Variants in COPS3 observed in about 807,000 individuals in gnomAD.
COPS3 encodes the protein COP9 signalosome complex subunit 3.
In COPS3, 10 loss-of-function variants were observed where a neutral mutation model predicts 58.2. The observed-to-expected ratio is 0.17, with a 90% CI of 0.11 to 0.29. The LOEUF (loss-of-function observed/expected upper bound fraction) is 0.29. COPS3 is among the 10% of genes least tolerant of loss of function. The pLI, the probability that COPS3 is intolerant of heterozygous loss-of-function variation, is 1.00. For missense variants in COPS3, 333 were observed against 510.1 expected (o/e 0.65, Z 3.34); for synonymous variants, 187 against 181.7 (o/e 1.03, Z -0.24).
At chr17:17,264,402 G>C (rs533427254) in intron 6 of COPS3, among the ~76,000 whole-genome samples, 1 of 152,188 alleles carries the variant, frequency 6.6e-6, no homozygotes, top group African/African-American at 2.4e-5. Context: ...TTTAAATTTT[G>C]AATCAAGAGA....
chr17:17,254,976 T>C (rs1274829942), intron 8 of COPS3, 31 bp from the exon 9 acceptor site: 1 of 1,475,978 alleles, frequency 6.8e-7, no homozygotes, highest in Admixed American at 1.7e-5. Flanking sequence ...TAGTCACAGG[T>C]AGGAACAACG....
chr17:17,270,374 G>C (rs1291207572), intron 4 of COPS3, among the ~76,000 whole-genome samples: 1 of 151,710 alleles, frequency 6.6e-6, no homozygotes, highest in Non-Finnish European at 1.5e-5. Flanking sequence ...GGAAAATCTA[G>C]GTAAAATGTA....
At chr17:17,265,834 G>A (rs1002548127) in intron 5 of COPS3, among the ~76,000 whole-genome samples, 2 of 152,220 alleles carry the variant, frequency 1.3e-5, no homozygotes, top group African/African-American at 4.8e-5. Context: ...GAAAAAGAGT[G>A]TGTCCTCTTT....
rs58123615 is a variant in COPS3, at chr17:17,273,629, T to C, written c.185+2406A>G. On this transcript the variant is annotated intron_variant, in intron 2 of 11. Coordinates refer to ENST00000268717, the MANE Select transcript of COPS3 (RefSeq NM_003653.4). Reference sequence around the variant, plus strand: ...ACTTTGGGAGGCTGAGATGGGCAGATTGCTTGAGCTCAGGAGTTCAAGACC... The same window carrying C: ...ACTTTGGGAGGCTGAGATGGGCAGACTGCTTGAGCTCAGGAGTTCAAGACC... Among the ~76,000 whole-genome samples the C allele has an allele frequency of 6.5e-3, 996 of 152,064 alleles. 9 individuals carry two copies. Among genetic ancestry groups the C allele is most frequent in the African/African-American group, 0.023 (960 of 41,478 alleles).
intron 8 of COPS3, among the ~76,000 whole-genome samples, chr17:17,259,807 T>G (rs897489790): frequency 6.6e-6 from 1 of 151,722 alleles, no homozygotes; most frequent in East Asian, 1.9e-4. Flanking sequence ...GGTGGGCAGA[T>G]CACTTGAGCT....
At chr17:17,249,516 G>T (rs546404578) in intron 9 of COPS3, among the ~76,000 whole-genome samples, 2 of 151,362 alleles carry the variant, frequency 1.3e-5, no homozygotes, top group South Asian at 4.2e-4. Context: ...TTTTGAGATG[G>T]CGTTTCGCTC....
intron 5 of COPS3, among the ~76,000 whole-genome samples, chr17:17,267,656 T>C (rs911120554): frequency 3.5e-5 from 5 of 142,392 alleles, no homozygotes; most frequent in African/African-American, 1.3e-4. Flanking sequence ...AAAAAAAAAG[T>C]TACAACTATT....
intron 1 of COPS3, among the ~76,000 whole-genome samples, chr17:17,277,513 G>C (rs1244073288): frequency 6.6e-6 from 1 of 152,166 alleles, no homozygotes; most frequent in Non-Finnish European, 1.5e-5. Context: ...CATCTCCTGG[G>C]CTCAAGCAAT....
At chr17:17,260,522 G>A (rs1277535508) in intron 7 of COPS3, 48 bp from the exon 8 acceptor site, 4 of 1,588,244 alleles carry the variant, frequency 2.5e-6, no homozygotes, top group Non-Finnish European at 3.5e-6. Flanking sequence ...CTTCAGAAGA[G>A]GCCAGGTGTG....
chr17:17,255,244 G>T (rs1008046682), intron 8 of COPS3, among the ~76,000 whole-genome samples: 1 of 152,006 alleles, frequency 6.6e-6, no homozygotes, highest in South Asian at 2.1e-4. Flanking sequence ...AGGTTGCAGT[G>T]AGTGGAGACT....
At chr17:17,256,495 T>C (rs547176753) in intron 8 of COPS3, among the ~76,000 whole-genome samples, 55 of 152,298 alleles carry the variant, frequency 3.6e-4, no homozygotes, top group African/African-American at 1.0e-3. Flanking sequence ...CTGATGAAAA[T>C]GACCCCTTTC....
In COPS3 at chr17:17,252,621, T is replaced by C. The variant is rs191425786; in HGVS notation, c.1023+2238A>G. ...AGAGGAGAACCACTGCTCCAGAGCCTGTCAGGGTGTCTGGGCTGGTTAAGC... is the reference window on the plus strand; with the variant it reads ...AGAGGAGAACCACTGCTCCAGAGCCCGTCAGGGTGTCTGGGCTGGTTAAGC... On this transcript the variant is annotated intron_variant, in intron 9 of 11. Coordinates refer to ENST00000268717, the MANE Select transcript of COPS3 (RefSeq NM_003653.4). 4.6e-5 allele frequency among the ~76,000 whole-genome samples: 7 copies of C among 152,360 alleles called. No individual in the cohort carries two copies. In the East Asian group the frequency reaches 1.3e-3, roughly 29 times the overall value.
At chr17:17,280,617 A>C (rs1256396318) in intron 1 of COPS3, 1 of 1,302,786 alleles carries the variant, frequency 7.7e-7, no homozygotes, top group Non-Finnish European at 1.0e-6. Flanking sequence ...AAATAGGCGC[A>C]CAGGTTCCCG....
chr17:17,263,440 T>C (rs993247307), intron 6 of COPS3, among the ~76,000 whole-genome samples: 15 of 151,628 alleles, frequency 9.9e-5, no homozygotes, highest in Non-Finnish European at 2.1e-4. Flanking sequence ...CTCAGGCGAT[T>C]TGCCTGCCTC....
chr17:17,250,415 C>T (rs192639138), intron 9 of COPS3, among the ~76,000 whole-genome samples: 7 of 152,104 alleles, frequency 4.6e-5, no homozygotes, highest in Non-Finnish European at 8.8e-5. Context: ...CCACGATGCC[C>T]AGCTAATTTT....
intron 8 of COPS3, 83 bp from the exon 9 acceptor site, chr17:17,255,028 G>C: frequency 3.2e-6 from 3 of 931,982 alleles, no homozygotes; most frequent in East Asian, 2.6e-5. Context: ...GCGGCCAGGC[G>C]TGGTGGCTCA....
At chr17:17,278,404 T>C (rs1331013911) in intron 1 of COPS3, among the ~76,000 whole-genome samples, 2 of 152,234 alleles carry the variant, frequency 1.3e-5, no homozygotes, top group African/African-American at 4.8e-5. Flanking sequence ...CTAGGTACTT[T>C]TGATAATTTA....
In COPS3 at chr17:17,281,148, T is replaced by C. The variant is rs753502278; in HGVS notation, c.39A>G (p.Arg13=). The part of the protein sequence containing the change: ...SALEQFVNSV[R]QLSAQGQMTQ... ...GGGCGTTACCTTGAGCTGAGAGCTGTCGGACACTGTTCACGAACTGCTCCA... is the reference window on the plus strand; with the variant it reads ...GGGCGTTACCTTGAGCTGAGAGCTGCCGGACACTGTTCACGAACTGCTCCA... Residue 13 remains arginine (R), a synonymous_variant, in exon 1 of 12, where the codon CGA becomes CGG. Coordinates refer to ENST00000268717, the MANE Select transcript of COPS3 (RefSeq NM_003653.4). 2.5e-6 allele frequency: 4 copies of C among 1,611,312 alleles called. No homozygotes were observed. In the South Asian group the frequency reaches 3.3e-5, roughly 13 times the overall value.
rs541836470 is a variant in COPS3 at position 17,263,801 on chromosome 17, A to C, written c.621+1001T>G. 2.4e-4 allele frequency among the ~76,000 whole-genome samples: 36 copies of C among 152,324 alleles called. No individual in the cohort carries two copies. The South Asian group carries it at 7.4e-3, about 32-fold the overall frequency. On this transcript the variant is annotated intron_variant, in intron 6 of 11. Coordinates refer to ENST00000268717, the MANE Select transcript of COPS3 (RefSeq NM_003653.4). ...AGTGCTGGGATTACAGGCGTGAGCC[A>C]CCGCACTCGGACGCCTCTTACCTTT...
Sources: gnomAD v4.1 joint callset for allele counts (sites outside exome capture counted in the v4.1 genomes callset) on GRCh38, gnomAD v4.1.1 for gene constraint, MANE v1.5 for transcripts, NCBI Gene and HGNC (gene_info 2026-07-23, HGNC 2026-07-21) for gene names.